MAGI2: variants seen among roughly 807,000 people sequenced by gnomAD.
MAGI2 encodes membrane-associated guanylate kinase, WW and PDZ domain-containing protein 2.
A neutral mutation model predicts 133.3 loss-of-function variants in MAGI2; 35 were observed. The observed-to-expected ratio is 0.26, with a 90% CI of 0.20 to 0.35. MAGI2 has a LOEUF of 0.35. Ranked by LOEUF, MAGI2 falls within the 10% of genes least tolerant of loss-of-function variation. The pLI is 1.00. For synonymous variants in MAGI2, 729 were observed against 710.6 expected (o/e 1.03, Z -0.41); for missense variants, 1,636 against 1,863.4 (o/e 0.88, Z 2.25).
At chr7:79,377,315 C>T (rs894049360) in intron 1 of MAGI2, among the ~76,000 whole-genome samples, 13 of 151,690 alleles carry the variant, frequency 8.6e-5, no homozygotes, top group Non-Finnish European at 1.9e-4. Context: ...AAAATTGTAG[C>T]ACAACAAGCC....
intron 1 of MAGI2, among the ~76,000 whole-genome samples, chr7:79,211,806 A>G (rs1167409650): frequency 2.0e-5 from 3 of 152,058 alleles, no homozygotes; most frequent in African/African-American, 7.3e-5. Context: ...GCTATTATCA[A>G]TTTAGGTAAC....
At chr7:79,086,272 A>G (rs1816484197) in intron 1 of MAGI2, among the ~76,000 whole-genome samples, 1 of 151,822 alleles carries the variant, frequency 6.6e-6, no homozygotes, top group African/African-American at 2.4e-5. Flanking sequence ...AAGCTTCCTG[A>G]TAGGTCAAAT....
intron 9 of MAGI2, among the ~76,000 whole-genome samples, chr7:78,294,087 T>A (rs977832966): frequency 4.6e-5 from 7 of 151,954 alleles, no homozygotes; most frequent in African/African-American, 4.8e-5. Context: ...TAAAAAAATA[T>A]ATATAATTCT....
At chr7:79,441,283 T>C (rs1848478550) in intron 1 of MAGI2, among the ~76,000 whole-genome samples, 1 of 152,214 alleles carries the variant, frequency 6.6e-6, no homozygotes, top group African/African-American at 2.4e-5. Context: ...CTTTAGTAAC[T>C]AACTTTGTGG....
intron 16 of MAGI2, among the ~76,000 whole-genome samples, chr7:78,143,913 T>A (rs1297392574): frequency 6.6e-6 from 1 of 151,604 alleles, no homozygotes; most frequent in African/African-American, 2.4e-5. Context: ...CTTTCACTTA[T>A]AGTCCTATAA....
chr7:78,239,635 G>T (rs1027273398), intron 10 of MAGI2, among the ~76,000 whole-genome samples: 1 of 152,168 alleles, frequency 6.6e-6, no homozygotes, highest in Non-Finnish European at 1.5e-5. Context: ...ATATACAAAT[G>T]GCCAACAAGT....
chr7:78,193,984 C>T (rs961688104), intron 12 of MAGI2, among the ~76,000 whole-genome samples: 4 of 152,186 alleles, frequency 2.6e-5, no homozygotes. Flanking sequence ...TGAGATCACA[C>T]ACAATTTAAA....
chr7:79,391,504 T>C (rs201582862), intron 1 of MAGI2, among the ~76,000 whole-genome samples: 1 of 44,052 alleles, frequency 2.3e-5, no homozygotes, highest in Non-Finnish European at 3.5e-5. Flanking sequence ...TATATATATA[T>C]AGACATATAT....
In MAGI2 at chr7:79,398,032, A is replaced by G. The variant is rs1363631259; in HGVS notation, c.301+54988T>C. ...TTATTTATTCTCATATGTTTTGTCC[A>G]TGTGCCTTTTAATTTTCTTTTGTTT... On this transcript the variant is annotated intron_variant, in intron 1 of 21. Coordinates refer to ENST00000354212, the MANE Select transcript of MAGI2 (RefSeq NM_012301.4). Among the ~76,000 whole-genome samples the G allele has an allele frequency of 2.6e-5, 4 of 152,124 alleles. No homozygotes were observed. The East Asian group carries it at 7.7e-4, about 29-fold the overall frequency.
intron 2 of MAGI2, among the ~76,000 whole-genome samples, chr7:78,679,778 CT>C (rs1174075885): frequency 6.6e-5 from 10 of 152,120 alleles, no homozygotes; most frequent in Non-Finnish European, 1.5e-4. Context: ...TGAAGGGAAA[CT>C]GATCAGAGAT....
chr7:78,589,101 A>G (rs1268524142), intron 3 of MAGI2, among the ~76,000 whole-genome samples: 1 of 152,192 alleles, frequency 6.6e-6, no homozygotes, highest in Non-Finnish European at 1.5e-5. Context: ...CTCCTAGCCT[A>G]TCACAGAGCT....
intron 2 of MAGI2, among the ~76,000 whole-genome samples, chr7:78,841,075 T>A (rs73702601): frequency 6.0e-4 from 91 of 152,082 alleles, no homozygotes; most frequent in African/African-American, 2.1e-3. Flanking sequence ...TTGAAAATAG[T>A]TCTCTATGAC....
At chr7:79,147,513 C>A (rs1031133833) in intron 1 of MAGI2, among the ~76,000 whole-genome samples, 1 of 152,184 alleles carries the variant, frequency 6.6e-6, no homozygotes, top group Admixed American at 6.5e-5. Flanking sequence ...CTCCAAAGAG[C>A]ACCTGCACAG....
At chr7:78,243,269 A>ACT (rs60322546) in intron 10 of MAGI2, among the ~76,000 whole-genome samples, 26 of 62,854 alleles carry the variant, frequency 4.1e-4, no homozygotes, top group South Asian at 7.8e-4. Flanking sequence ...ACACACACAC[A>ACT]CTCTCTCTCT....
chr7:79,424,992 CAT>C (rs1259163605), intron 1 of MAGI2, among the ~76,000 whole-genome samples: 4 of 152,020 alleles, frequency 2.6e-5, no homozygotes, highest in African/African-American at 4.8e-5. Context: ...AGGATGTAAA[CAT>C]AAGTCTTGTG....
chr7:78,147,752 T>C (rs1228967600), intron 16 of MAGI2, among the ~76,000 whole-genome samples: 1 of 152,002 alleles, frequency 6.6e-6, no homozygotes, highest in Non-Finnish European at 1.5e-5. Context: ...CCAAAATGAT[T>C]TGAGAGGCTG....
chr7:78,292,856 G>A (rs1172427859), intron 9 of MAGI2, among the ~76,000 whole-genome samples: 1 of 152,156 alleles, frequency 6.6e-6, no homozygotes, highest in Non-Finnish European at 1.5e-5. Context: ...TTTAATAAAT[G>A]GTGCTGGGAA....
intron 1 of MAGI2, among the ~76,000 whole-genome samples, chr7:79,057,431 A>T (rs192148807): frequency 6.6e-6 from 1 of 152,236 alleles, no homozygotes; most frequent in African/African-American, 2.4e-5. Context: ...CAAATTGAGC[A>T]AATACATTTT....
chr7:79,023,390 CA>C (rs1809541641), intron 1 of MAGI2, among the ~76,000 whole-genome samples: 1 of 152,054 alleles, frequency 6.6e-6, no homozygotes, highest in Non-Finnish European at 1.5e-5. Flanking sequence ...AATGAATGGG[CA>C]AAAGCTGGAA....
Sources: allele counts gnomAD v4.1 joint callset (sites outside exome capture counted in the v4.1 genomes callset), GRCh38; gene constraint gnomAD v4.1.1; transcripts MANE v1.5; gene names NCBI Gene and HGNC (gene_info 2026-07-23, HGNC 2026-07-21).